The following GALNT13 variants were observed in gnomAD, a reference collection of about 807,000 sequenced individuals.
The protein encoded by GALNT13 is UDP-GalNAc:polypeptide N-acetylgalactosaminyltransferase 13.
GALNT13 carries 28 observed loss-of-function variants against 64.2 expected under a neutral mutation model. The ratio of observed to expected loss-of-function variants is 0.44; its 90% CI spans 0.32 to 0.60. GALNT13 has a LOEUF of 0.60. Among genes scored for constraint, GALNT13 ranks in the 20% least tolerant of loss-of-function variants. The pLI, the probability that GALNT13 is intolerant of heterozygous loss-of-function variation, is 0.05. For synonymous variants in GALNT13, 214 were observed against 224.6 expected (o/e 0.95, Z 0.42); for missense variants, 577 against 669.8 (o/e 0.86, Z 1.53).
chr2:154,013,668 C>T (rs1410714490), intron 3 of GALNT13, among the ~76,000 whole-genome samples: 1 of 152,022 alleles, frequency 6.6e-6, no homozygotes, highest in Non-Finnish European at 1.5e-5. Flanking sequence ...TTGCACCCAC[C>T]GCTGTGCGGT....
chr2:154,291,583 G>C (rs1692636150), intron 8 of GALNT13, among the ~76,000 whole-genome samples: 1 of 152,196 alleles, frequency 6.6e-6, no homozygotes, highest in African/African-American at 2.4e-5. Context: ...GTGCTGGCCG[G>C]CCACGCTGGG....
At chr2:153,118,569 C>G in the GALNT13 span, among the ~76,000 whole-genome samples, 1 of 152,132 alleles carries the variant, frequency 6.6e-6, no homozygotes, top group East Asian at 1.9e-4. Flanking sequence ...TACTAGAGGT[C>G]TGCCACATAT....
chr2:153,401,756 T>C, the GALNT13 span, among the ~76,000 whole-genome samples: 1 of 149,364 alleles, frequency 6.7e-6, no homozygotes, highest in African/African-American at 2.5e-5. Flanking sequence ...AACCCCTGCC[T>C]TTTTTTGTTT....
chr2:154,317,223 AAAG>A (rs1305729206), intron 9 of GALNT13, among the ~76,000 whole-genome samples: 31 of 151,978 alleles, frequency 2.0e-4, no homozygotes, highest in African/African-American at 6.5e-4. Flanking sequence ...AAAAAAAAAA[AAAG>A]AAGAATGGTG....
the GALNT13 span, among the ~76,000 whole-genome samples, chr2:153,718,789 G>A: frequency 8.5e-3 from 1,289 of 152,282 alleles, 18 homozygotes; most frequent in African/African-American, 0.029. Flanking sequence ...TGACCTCACA[G>A]TGTTGTGAAG....
chr2:153,270,281 G>A, the GALNT13 span, among the ~76,000 whole-genome samples: 1 of 151,446 alleles, frequency 6.6e-6, no homozygotes, highest in South Asian at 2.1e-4. Flanking sequence ...TTCATGGTGG[G>A]CAAGACAAAA....
the GALNT13 span, among the ~76,000 whole-genome samples, chr2:153,231,993 G>T: frequency 1.3e-5 from 2 of 152,040 alleles, no homozygotes; most frequent in Admixed American, 6.6e-5. Context: ...TGGCGGTTTT[G>T]AACTGCTGGA....
chr2:153,214,126 A>G, the GALNT13 span, among the ~76,000 whole-genome samples: 4 of 152,212 alleles, frequency 2.6e-5, no homozygotes, highest in Non-Finnish European at 4.4e-5. Flanking sequence ...AAGGTTTTAA[A>G]ATATTTTAAA....
chr2:153,675,283 C>G, the GALNT13 span, among the ~76,000 whole-genome samples: 1 of 152,176 alleles, frequency 6.6e-6, no homozygotes, highest in Non-Finnish European at 1.5e-5. Flanking sequence ...ATAGCAAAGA[C>G]TTGGAACCAA....
intron 2 of GALNT13, among the ~76,000 whole-genome samples, chr2:153,914,639 C>T (rs1689204955): frequency 6.6e-6 from 1 of 151,992 alleles, no homozygotes; most frequent in Non-Finnish European, 1.5e-5. Context: ...TTGAGATTTT[C>T]AAATTATCTC....
the GALNT13 span, among the ~76,000 whole-genome samples, chr2:153,748,323 A>G: frequency 3.3e-5 from 5 of 152,056 alleles, no homozygotes; most frequent in African/African-American, 1.2e-4. Flanking sequence ...TATATAGTAG[A>G]TATAGTTTTA....
intron 4 of GALNT13, among the ~76,000 whole-genome samples, chr2:154,231,696 CCAATAG>C (rs977364484): frequency 1.3e-5 from 2 of 150,104 alleles, no homozygotes; most frequent in Non-Finnish European, 1.5e-5. Context: ...TCTTTCCTCA[CCAATAG>C]TGTTGAATTC....
intron 3 of GALNT13, among the ~76,000 whole-genome samples, chr2:153,976,690 G>T (rs1694098699): frequency 6.6e-6 from 1 of 151,992 alleles, no homozygotes; most frequent in South Asian, 2.1e-4. Context: ...CGTAGAAATA[G>T]ATTTTTTTGT....
rs745417238 is a variant in GALNT13, at chr2:154,242,794, G to A, written c.575G>A (p.Arg192His). ...GAACGCTCTGGGTTAATACGTGCCC[G>A]TCTTCGAGGAGCAGCTGCTTCAAAA... ...MEERSGLIRARLRGAAASKGQ... is the reference protein window; with the variant it reads ...MEERSGLIRAHLRGAAASKGQ... Residue 192 changes from arginine (R) to histidine (H), a missense_variant, in exon 6 of 13, where the codon CGT becomes CAT. Physicochemically the swap from Arg to His is conservative, Grantham distance 29. Around this residue, in one of 3 missense-constraint regions of GALNT13, gnomAD observed 341 missense variants for 379.3 expected, o/e 0.90. Coordinates refer to ENST00000392825, the MANE Select transcript of GALNT13 (RefSeq NM_052917.4). The A allele has an allele frequency of 9.9e-6, 16 of 1,613,838 alleles. No individual in the cohort carries two copies. Among genetic ancestry groups the A allele is most frequent in the African/African-American group, 4.0e-5 (3 of 74,922 alleles).
the GALNT13 span, among the ~76,000 whole-genome samples, chr2:153,222,310 G>GGGC: frequency 7.8e-6 from 1 of 127,948 alleles, no homozygotes; most frequent in African/African-American, 3.0e-5. Flanking sequence ...GTCTGGCTGG[G>GGGC]GGGGGGGGGG....
chr2:154,027,397 G>T (rs185857396), intron 3 of GALNT13, among the ~76,000 whole-genome samples: 1 of 152,100 alleles, frequency 6.6e-6, no homozygotes, highest in East Asian at 1.9e-4. Context: ...TTTAATGTTT[G>T]ATCATTTTTA....
chr2:153,999,641 C>T (rs1695766072), intron 3 of GALNT13, among the ~76,000 whole-genome samples: 1 of 151,894 alleles, frequency 6.6e-6, no homozygotes, highest in African/African-American at 2.4e-5. Flanking sequence ...TATGATGAAC[C>T]ATCCTTTCAT....
the GALNT13 span, among the ~76,000 whole-genome samples, chr2:153,073,866 C>A: frequency 5.3e-5 from 8 of 152,104 alleles, 1 homozygote. Context: ...ATCTTCCCCC[C>A]TCCCTTTATA....
chr2:154,375,395 G>A (rs1310600843), intron 9 of GALNT13, among the ~76,000 whole-genome samples: 3 of 152,220 alleles, frequency 2.0e-5, no homozygotes, highest in African/African-American at 7.2e-5. Context: ...CTTCACTTTA[G>A]CATCACCCTC....
Sources: gnomAD v4.1 joint callset for allele counts (sites outside exome capture counted in the v4.1 genomes callset) on GRCh38, gnomAD v4.1.1 for gene constraint, gnomAD v4.1.1 regional missense constraint, MANE v1.5 for transcripts, NCBI Gene and HGNC (gene_info 2026-07-23, HGNC 2026-07-21) for gene names.